SUMF1: variants seen among roughly 807,000 people sequenced by gnomAD.
The protein encoded by SUMF1 is formylglycine-generating enzyme.
In SUMF1, 48 loss-of-function variants were observed where a neutral mutation model predicts 47.6. The observed-to-expected ratio is 1.01, with a 90% confidence interval of 0.80 to 1.28. The LOEUF (loss-of-function observed/expected upper bound fraction) is 1.28, where lower values mean the gene tolerates loss of function less well. SUMF1 is among the 50% of genes most tolerant of loss of function. The pLI, the probability that SUMF1 is intolerant of heterozygous loss-of-function variation, is 0.00. For synonymous variants in SUMF1, 230 were observed against 192.1 expected, an observed-to-expected ratio of 1.20 and a Z score of -1.63; for missense variants, 571 against 485.4, an observed-to-expected ratio of 1.18 and a Z score of -1.66.
intron 8 of SUMF1, among the ~76,000 whole-genome samples, chr3:4,327,145 A>G (rs2125123780): frequency 6.6e-6 from 1 of 152,326 alleles, no homozygotes; most frequent in East Asian, 1.9e-4. Context: ...GACCAAAAAA[A>G]CACAAAAATA....
intron 3 of SUMF1, among the ~76,000 whole-genome samples, chr3:4,432,973 C>T: frequency 6.6e-6 from 1 of 152,196 alleles, no homozygotes; most frequent in East Asian, 1.9e-4. Flanking sequence ...TTTAAATAGT[C>T]TTTCAGTGGG....
intron 3 of SUMF1, among the ~76,000 whole-genome samples, chr3:4,420,347 C>A (rs1257407472): frequency 1.3e-5 from 2 of 151,656 alleles, no homozygotes; most frequent in African/African-American, 4.8e-5. Flanking sequence ...TATCATAAAG[C>A]CTCACAGCAA....
intron 8 of SUMF1, chr3:4,303,579 G>C (rs972634337): frequency 2.5e-4 from 341 of 1,346,232 alleles, no homozygotes; most frequent in Non-Finnish European, 3.2e-4. Flanking sequence ...CCCCCACGTG[G>C]TCTCCTCAAG....
At chr3:4,360,794 C>G (rs1414926796), downstream of SUMF1, among the ~76,000 whole-genome samples, 1 of 152,210 alleles carries the variant, frequency 6.6e-6, no homozygotes, top group East Asian at 1.9e-4. Context: ...ACTGAGGAAT[C>G]AGGATGGGAA....
chr3:4,175,632 CT>C (rs1694942083), intron 8 of SUMF1, among the ~76,000 whole-genome samples: 1 of 152,146 alleles, frequency 6.6e-6, no homozygotes, highest in African/African-American at 2.4e-5. Context: ...CAGTTTTCTT[CT>C]CCAAAGAATC....
chr3:4,352,303 C>A (rs1044040094), intron 8 of SUMF1, among the ~76,000 whole-genome samples: 1 of 152,124 alleles, frequency 6.6e-6, no homozygotes, highest in Admixed American at 6.6e-5. Flanking sequence ...CCAGTTCCCC[C>A]CCAAAAACTA....
intron 1 of SUMF1, 51 bp downstream of exon 1, chr3:4,466,925 C>A (rs531455449): frequency 1.9e-6 from 3 of 1,589,848 alleles, no homozygotes; most frequent in Admixed American, 1.8e-5. Context: ...ACTCCAACCC[C>A]GTCCAGGAAC....
chr3:4,210,010 TC>T (rs1474937740), intron 8 of SUMF1, among the ~76,000 whole-genome samples: 1 of 152,138 alleles, frequency 6.6e-6, no homozygotes, highest in Non-Finnish European at 1.5e-5. Context: ...TTCTCCTGCC[TC>T]AGCCTCCCGA....
chr3:4,270,784 A>G (rs1233878448), intron 8 of SUMF1, among the ~76,000 whole-genome samples: 1 of 152,170 alleles, frequency 6.6e-6, no homozygotes, highest in Non-Finnish European at 1.5e-5. Context: ...TTTAATATTG[A>G]TATTAACAAA....
At chr3:4,423,008 C>T (rs1052652085) in intron 3 of SUMF1, among the ~76,000 whole-genome samples, 1 of 152,046 alleles carries the variant, frequency 6.6e-6, no homozygotes, top group Non-Finnish European at 1.5e-5. Context: ...AGCTTAGCTC[C>T]CACTTATAAG....
chr3:4,370,416 ATC>A (rs1414986343), intron 8 of SUMF1, among the ~76,000 whole-genome samples: 1 of 152,162 alleles, frequency 6.6e-6, no homozygotes, highest in Admixed American at 6.5e-5. Flanking sequence ...AAGTTAAGAA[ATC>A]TCTCTGGTGA....
chr3:4,212,323 A>G (rs1487266611), intron 8 of SUMF1, among the ~76,000 whole-genome samples: 1 of 152,120 alleles, frequency 6.6e-6, no homozygotes, highest in Non-Finnish European at 1.5e-5. Flanking sequence ...ACTCCAGCAG[A>G]CCTGCGGCAG....
In SUMF1 at chr3:4,076,774, C is replaced by T. The variant is rs550439759; in HGVS notation, c.1015-8029G>A. The stretch of plus-strand genomic sequence containing the variant: ...CAGCACTTTGGGAGACCGAGGCGGG[C>T]GGATCAGGAGGTCAGGAGATCCAGA... On this transcript the variant is annotated intron_variant and NMD_transcript_variant, in intron 8 of 12. Transcript: ENST00000448413. 5.6e-4 allele frequency among the ~76,000 whole-genome samples: 85 copies of T among 152,106 alleles called. 1 individual carries two copies. The East Asian group carries it at 0.012, about 22-fold the overall frequency.
At chr3:4,062,231 T>C (rs965890590) in intron 9 of SUMF1, among the ~76,000 whole-genome samples, 2 of 152,128 alleles carry the variant, frequency 1.3e-5, no homozygotes, top group East Asian at 1.9e-4. Context: ...TTCAAATGTA[T>C]TGGGAGCATG....
At chr3:4,121,144 G>T (rs1165908490) in intron 8 of SUMF1, among the ~76,000 whole-genome samples, 2 of 151,866 alleles carry the variant, frequency 1.3e-5, no homozygotes, top group Non-Finnish European at 2.9e-5. Flanking sequence ...TTCCTCAACT[G>T]TAAATTCAGG....
intron 9 of SUMF1, among the ~76,000 whole-genome samples, chr3:4,061,806 C>T (rs1190238756): frequency 6.6e-6 from 1 of 152,088 alleles, no homozygotes; most frequent in Non-Finnish European, 1.5e-5. Flanking sequence ...GAGTAGGTTA[C>T]AGTCTGTTTA....
chr3:4,350,636 G>C (rs1369454290), intron 8 of SUMF1, among the ~76,000 whole-genome samples: 7 of 152,034 alleles, frequency 4.6e-5, no homozygotes, highest in Non-Finnish European at 1.5e-5. Flanking sequence ...AAAGAAACTT[G>C]ATAAATAGTT....
At chr3:4,127,348 C>T (rs1259180909) in intron 8 of SUMF1, among the ~76,000 whole-genome samples, 1 of 152,068 alleles carries the variant, frequency 6.6e-6, no homozygotes, top group African/African-American at 2.4e-5. Context: ...AAGTATTGAT[C>T]CTGGGTGTGT....
chr3:4,128,694 A>G (rs947175381), intron 8 of SUMF1, among the ~76,000 whole-genome samples: 4 of 152,200 alleles, frequency 2.6e-5, no homozygotes, highest in Non-Finnish European at 5.9e-5. Flanking sequence ...TTGAGTTTAT[A>G]TAAATTAGAG....
Sources: allele counts gnomAD v4.1 joint callset (sites outside exome capture counted in the v4.1 genomes callset), GRCh38; gene constraint gnomAD v4.1.1; transcripts MANE v1.5; gene names NCBI Gene and HGNC (gene_info 2026-07-23, HGNC 2026-07-21).